PRMT2: variants seen among roughly 807,000 people sequenced by gnomAD.
PRMT2 encodes the protein protein arginine methyltransferase 2.
In PRMT2, 26 loss-of-function variants were observed where a neutral mutation model predicts 57.6. The ratio of observed to expected loss-of-function variants is 0.45; its 90% CI spans 0.33 to 0.63. The LOEUF (loss-of-function observed/expected upper bound fraction) is 0.63. Ranked by LOEUF, PRMT2 falls within the 20% of genes least tolerant of loss-of-function variation. The probability of loss-of-function intolerance (pLI) is 0.02; values close to 1 mark genes in which losing one functional copy is unlikely to be tolerated. For synonymous variants in PRMT2, 219 were observed against 220.0 expected (o/e 1.00, Z 0.04); for missense variants, 472 against 564.4 (o/e 0.84, Z 1.66).
At chr21:46,654,179 G>C in intron 7 of PRMT2, 2 of 965,866 alleles carry the variant, frequency 2.1e-6, no homozygotes, top group Non-Finnish European at 2.5e-6. Context: ...AGAAATTTAT[G>C]TTAAAAAATG....
chr21:46,655,090 G>A (rs959897940), intron 7 of PRMT2: 1 of 193,038 alleles, frequency 5.2e-6, no homozygotes, highest in Non-Finnish European at 9.5e-6. Flanking sequence ...CTTCTGAAAG[G>A]TAAATCTCTA....
chr21:46,661,751 TGCGGTGCCAC>T (rs1258953683), intron 9 of PRMT2, 39 bp from the exon 10 acceptor site: 4 of 1,287,606 alleles, frequency 3.1e-6, no homozygotes, highest in South Asian at 2.4e-5. Context: ...ACCCGGGCCC[TGCGGTGCCAC>T]GCGGTGCCCA....
At chr21:46,663,320 C>A in intron 10 of PRMT2, 63 bp from the exon 11 acceptor site, 1 of 1,523,598 alleles carries the variant, frequency 6.6e-7, no homozygotes, top group South Asian at 1.2e-5. Context: ...AGTCAGCGCC[C>A]CGAGGGCCAT....
intron 8 of PRMT2, chr21:46,659,773 G>C (rs2061592554): frequency 1.0e-6 from 1 of 985,290 alleles, no homozygotes; most frequent in Admixed American, 6.1e-5. Flanking sequence ...GGAAGCCAGT[G>C]GCCGTCCAGA....
chr21:46,661,959 CGGGGTGCGGGGT>C, intron 10 of PRMT2, 23 bp downstream of exon 10: 1 of 183,092 alleles, frequency 5.5e-6, no homozygotes, highest in Non-Finnish European at 8.7e-6. Flanking sequence ...GGCGCGGGCA[CGGGGTGCGGGGT>C]GGGGGGCAGG....
At chr21:46,663,252 T>G in intron 10 of PRMT2, 131 bp from the exon 11 acceptor site, 1 of 840,972 alleles carries the variant, frequency 1.2e-6, no homozygotes, top group African/African-American at 1.7e-5. Flanking sequence ...CCCCAGGCCC[T>G]CAGGGTGGAC....
chr21:46,664,328 C>G lies in PRMT2; in HGVS notation c.*1C>G. 1 of 1,614,126 alleles carries G rather than the reference C, an allele frequency of 6.2e-7. No homozygotes were observed. Among genetic ancestry groups the G allele is most frequent in the Non-Finnish European group, 8.5e-7 (1 of 1,179,992 alleles). ...AAAAGTCTTCCCCATCTGGAGATGA[C>G]AGTTGATGCTTTATTTGGAAAGCAG... On this transcript the variant is annotated 3_prime_UTR_variant, in exon 12 of 12. Coordinates refer to ENST00000355680, the MANE Select transcript of PRMT2 (RefSeq NM_206962.4).
Position 46,661,936 on chromosome 21 carries a change from C to G in PRMT2, c.1097C>G (p.Pro366Arg). 2 of 1,139,338 alleles carry G rather than the reference C, an allele frequency of 1.8e-6. No individual in the cohort carries two copies. Among genetic ancestry groups the G allele is most frequent in the Non-Finnish European group, 2.2e-6 (2 of 905,394 alleles). 70.6% of individuals were successfully genotyped at this position (1,139,338 alleles called of 1,614,324 possible). ...GTGCTCAGCACCGGGCCCTTCCACC[C>G]GTGAGTGTGCGGGGCGCGGGCACGG... is the stretch of plus-strand genomic sequence containing the variant. ...PQVLSTGPFHPTTHWKQTLFM... is the reference protein window; with the variant it reads ...PQVLSTGPFHRTTHWKQTLFM... The change falls in exon 10 of 12, where the codon CCC becomes CGC. Residue 366 changes from proline to arginine, a missense_variant and splice_region_variant. Physicochemically the swap from Pro to Arg is moderately radical, Grantham distance 103 (BLOSUM62 -2). Transcript: ENST00000355680.
Position 46,663,385 on chromosome 21 carries a change from C to T in PRMT2, c.1100C>T (p.Thr367Ile). ...QVLSTGPFHPTTHWKQTLFMM... is the reference protein window; with the variant it reads ...QVLSTGPFHPITHWKQTLFMM... ...TCACACGCACCCCTGTCTTGCAGCA[C>T]CACACACTGGAAGCAGACGCTGTTC... The change falls in exon 11 of 12, where the codon ACC (threonine) becomes ATC (isoleucine). Residue 367 changes from threonine (T) to isoleucine (I), a missense_variant and splice_region_variant. This residue lies in a region of PRMT2 where 229 missense variants were observed against 217.2 expected (regional missense o/e 1.05). Coordinates refer to ENST00000355680, the MANE Select transcript of PRMT2 (RefSeq NM_206962.4). 3 of 1,611,164 alleles carry T rather than the reference C, an allele frequency of 1.9e-6. No homozygotes were observed. The highest frequency in any genetic ancestry group is 1.7e-6 in the Non-Finnish European group (2 of 1,177,866).
rs1277332570 is a variant in PRMT2, at chr21:46,648,597, C to A, written c.467C>A (p.Ala156Glu). 6.2e-7 allele frequency: 1 copy of A among 1,614,190 alleles called. No homozygotes were observed. Among genetic ancestry groups the A allele is most frequent in the South Asian group, 1.1e-5 (1 of 91,084 alleles). ...ACTGGGATCATCAGTCTCTTCTGTG[C>A]ACACTATGCGCGGCCTAGAGCGGTG... ...CGTGIISLFC[A>E]HYARPRAVYA... Residue 156 changes from alanine (A) to glutamate (E), a missense_variant, in exon 6 of 12, where the codon GCA becomes GAA. By Grantham distance (107) the Ala-to-Glu change is moderately radical. This residue lies in a region of PRMT2 where 243 missense variants were observed against 347.2 expected (regional missense o/e 0.70). Transcript: ENST00000355680. The surrounding 1 kb of genome is among the most constrained non-coding windows in gnomAD (Gnocchi z 4.8).
intron 3 of PRMT2, among the ~76,000 whole-genome samples, chr21:46,637,556 G>A (rs1202267735): frequency 1.3e-5 from 2 of 151,896 alleles, no homozygotes; most frequent in Non-Finnish European, 2.9e-5. Context: ...ATTCCAATGA[G>A]CTTTCATTTG....
Position 46,653,967 on chromosome 21 carries a change from C to A in PRMT2, c.654+4228C>A, listed in dbSNP as rs2061501973. On this transcript the variant is annotated intron_variant, in intron 7 of 11. Transcript: ENST00000355680. The stretch of plus-strand genomic sequence containing the variant: ...TTTTTTTTTTGGCGTGGAGCATTTC[C>A]GAACTTTCACGTCATAAAAAATGCA... 1.5e-5 allele frequency: 15 copies of A among 1,005,460 alleles called. No homozygotes were observed. The Middle Eastern group carries it at 1.5e-3, about 100-fold the overall frequency. 62.3% of individuals were successfully genotyped at this position (1,005,460 alleles called of 1,614,324 possible).
chr21:46,652,016 G>T, intron 7 of PRMT2: 1 of 1,613,094 alleles, frequency 6.2e-7, no homozygotes, highest in Non-Finnish European at 8.5e-7. Flanking sequence ...ACGCTGACAT[G>T]TAGTAAAAGT....
chr21:46,637,062 T>C (rs999692653), intron 3 of PRMT2, 72 bp downstream of exon 3: 6 of 1,521,120 alleles, frequency 3.9e-6, no homozygotes, highest in Non-Finnish European at 5.4e-6. Flanking sequence ...AAGCGTCAGC[T>C]CACAGATGTG....
rs777835906 is a variant in PRMT2 at position 46,664,286 on chromosome 21, C to A, written c.1270-9C>A. 5.0e-6 allele frequency: 8 copies of A among 1,604,594 alleles called. No individual in the cohort carries two copies. In the East Asian group the frequency reaches 1.8e-4, roughly 36 times the overall value. Reference sequence around the variant, plus strand: ...ATCTGATTGACCTGTTGTCATTTATCTTTTTCAGGTTGGAGAAAAAGTCTT... The same window carrying A: ...ATCTGATTGACCTGTTGTCATTTATATTTTTCAGGTTGGAGAAAAAGTCTT... On this transcript the variant is annotated splice_polypyrimidine_tract_variant and intron_variant, in intron 11 of 11. Coordinates refer to ENST00000355680, the MANE Select transcript of PRMT2 (RefSeq NM_206962.4).
At chr21:46,650,028 A>T in intron 7 of PRMT2, 1 of 1,333,090 alleles carries the variant, frequency 7.5e-7, no homozygotes, top group Non-Finnish European at 9.9e-7. Flanking sequence ...TCCTGTGCCT[A>T]ACAGGTAAGG....
At position 46,664,493 on chromosome 21, in the gene PRMT2, C is replaced by G. The variant is rs920735462; in HGVS notation, c.*166C>G. On this transcript the variant is annotated 3_prime_UTR_variant, in exon 12 of 12. Transcript: ENST00000355680. ...AGGTGACGTCAGGGTCCTTCACAGA[C>G]AAACACGCTTGGGCTCGGCAGGAGC... 8 of 868,016 alleles carry G rather than the reference C, an allele frequency of 9.2e-6. No individual in the cohort carries two copies. The African/African-American group carries it at 1.3e-4, about 14-fold the overall frequency. 53.8% of individuals were successfully genotyped at this position (868,016 alleles called of 1,614,324 possible). A position where few individuals can be genotyped will look rare whatever the true frequency, so the allele number is the denominator to read the frequency against.
intron 5 of PRMT2, among the ~76,000 whole-genome samples, chr21:46,645,887 T>A (rs928309621): frequency 2.6e-5 from 4 of 152,108 alleles, no homozygotes; most frequent in Admixed American, 6.6e-5. Flanking sequence ...TGGCTAATTT[T>A]TGTATTTTTA....
chr21:46,664,223 C>A, intron 11 of PRMT2, 72 bp from the exon 12 acceptor site: 1 of 1,321,924 alleles, frequency 7.6e-7, no homozygotes, highest in Non-Finnish European at 1.1e-6. Flanking sequence ...CAATATTAAA[C>A]CATTAGGAAA....
Sources: allele counts gnomAD v4.1 joint callset (sites outside exome capture counted in the v4.1 genomes callset), GRCh38; gene constraint gnomAD v4.1.1; regional missense constraint gnomAD v4.1.1; non-coding constraint Gnocchi (gnomAD v3.1); transcripts MANE v1.5; gene names NCBI Gene and HGNC (gene_info 2026-07-23, HGNC 2026-07-21).